The following SCIMP variants were observed in gnomAD, a reference collection of about 807,000 sequenced individuals.
SCIMP encodes SLP adapter and CSK-interacting membrane protein.
A neutral mutation model predicts 22.0 loss-of-function variants in SCIMP; 18 were observed. The ratio of observed to expected loss-of-function variants is 0.82; its 90% CI spans 0.56 to 1.21. SCIMP has a LOEUF of 1.21. SCIMP is among the 50% of genes most tolerant of loss of function. SCIMP has a pLI of 0.00. For synonymous variants in SCIMP, 53 were observed against 62.2 expected, an observed-to-expected ratio of 0.85 and a Z score of 0.70; for missense variants, 155 against 171.2, an observed-to-expected ratio of 0.91 and a Z score of 0.53.
intron 4 of SCIMP, among the ~76,000 whole-genome samples, chr17:5,211,524 C>CA (rs34444793): frequency 0.23 from 30,759 of 132,574 alleles, 4,028 homozygotes; most frequent in East Asian, 0.61. Context: ...ACCCTGTCTC[C>CA]AAAAAAAAAA....
At chr17:5,223,230 G>A in intron 2 of SCIMP, 103 bp downstream of exon 2, 8 of 1,262,698 alleles carry the variant, frequency 6.3e-6, no homozygotes, top group Non-Finnish European at 9.0e-6. Context: ...CCAAAATTCA[G>A]CTCATTCAGG....
chr17:5,216,929 T>G (rs2074569546), intron 3 of SCIMP, among the ~76,000 whole-genome samples: 1 of 152,186 alleles, frequency 6.6e-6, no homozygotes, highest in South Asian at 2.1e-4. Flanking sequence ...AGATAAACTC[T>G]AAGAAAACTT....
chr17:5,215,062 T>G, intron 3 of SCIMP, 64 bp from the exon 4 acceptor site: 1 of 1,012,322 alleles, frequency 9.9e-7, no homozygotes, highest in Non-Finnish European at 1.6e-6. Flanking sequence ...CCAGCCGATT[T>G]AAGAGAAAAC....
At chr17:5,217,353 A>G (rs916113716) in intron 3 of SCIMP, among the ~76,000 whole-genome samples, 4 of 151,190 alleles carry the variant, frequency 2.6e-5, no homozygotes, top group African/African-American at 9.8e-5. Flanking sequence ...ACATTCTGCA[A>G]TCCCAGTTTT....
chr17:5,223,811 A>G (rs1203491441), intron 1 of SCIMP, among the ~76,000 whole-genome samples: 1 of 152,080 alleles, frequency 6.6e-6, no homozygotes, highest in Non-Finnish European at 1.5e-5. Flanking sequence ...TGGCCTCCCA[A>G]AGTACTGGGA....
intron 3 of SCIMP, among the ~76,000 whole-genome samples, chr17:5,217,298 A>G (rs1319072600): frequency 6.6e-6 from 1 of 151,982 alleles, no homozygotes; most frequent in Non-Finnish European, 1.5e-5. Flanking sequence ...TAGGAAAGTC[A>G]CCCGGTTCCA....
At chr17:5,229,539 G>T (rs764360376) in intron 1 of SCIMP, among the ~76,000 whole-genome samples, 1 of 151,322 alleles carries the variant, frequency 6.6e-6, no homozygotes, top group African/African-American at 2.4e-5. Context: ...GACTACAGTC[G>T]CACGCCACCA....
At chr17:5,222,267 A>G (rs1378072971) in intron 2 of SCIMP, among the ~76,000 whole-genome samples, 1 of 150,072 alleles carries the variant, frequency 6.7e-6, no homozygotes, top group East Asian at 2.0e-4. Context: ...TTTTTTTTGT[A>G]TTTTAAGTAG....
At chr17:5,211,092 A>G (rs565571125) in intron 4 of SCIMP, 137 bp from the exon 5 acceptor site, 1 of 1,371,868 alleles carries the variant, frequency 7.3e-7, no homozygotes, top group Non-Finnish European at 9.6e-7. Context: ...TTACAGAGGA[A>G]ATTTAGACAC....
intron 4 of SCIMP, 45 bp downstream of exon 4, chr17:5,214,880 G>A (rs779663302): frequency 1.9e-5 from 14 of 726,858 alleles, no homozygotes; most frequent in Middle Eastern, 3.9e-4. Context: ...TGATAAACTC[G>A]TTATCTTACC....
At chr17:5,227,418 G>A (rs1305425897) in intron 1 of SCIMP, among the ~76,000 whole-genome samples, 1 of 152,074 alleles carries the variant, frequency 6.6e-6, no homozygotes, top group Non-Finnish European at 1.5e-5. Context: ...GTTTCACCAT[G>A]TTGGCCAGGG....
chr17:5,224,141 G>T (rs1471282307), intron 1 of SCIMP, among the ~76,000 whole-genome samples: 1 of 151,832 alleles, frequency 6.6e-6, no homozygotes, highest in Non-Finnish European at 1.5e-5. Context: ...CTGCAGGGTT[G>T]TTTTTTTTCT....
At chr17:5,218,991 A>G (rs2144319089) in intron 3 of SCIMP, among the ~76,000 whole-genome samples, 1 of 152,226 alleles carries the variant, frequency 6.6e-6, no homozygotes, top group African/African-American at 2.4e-5. Flanking sequence ...GCTCCTGGGA[A>G]ATAATCTCTA....
At chr17:5,219,664 G>A (rs1468713389) in intron 3 of SCIMP, among the ~76,000 whole-genome samples, 1 of 152,046 alleles carries the variant, frequency 6.6e-6, no homozygotes, top group African/African-American at 2.4e-5. Context: ...TGTATATCTG[G>A]GAGCCTTGGG....
intron 4 of SCIMP, among the ~76,000 whole-genome samples, chr17:5,212,354 GC>G (rs1027150590): frequency 3.3e-5 from 5 of 151,526 alleles, no homozygotes; most frequent in African/African-American, 1.2e-4. Flanking sequence ...CCTGGCTTGG[GC>G]CGGGCGCGGT....
intron 2 of SCIMP, among the ~76,000 whole-genome samples, chr17:5,222,470 A>G (rs1314357992): frequency 6.6e-6 from 1 of 152,154 alleles, no homozygotes; most frequent in Non-Finnish European, 1.5e-5. Context: ...GATGAACAGG[A>G]AAGTGGAAAC....
At chr17:5,221,460 G>T in intron 2 of SCIMP, 110 bp from the exon 3 acceptor site, 2 of 819,178 alleles carry the variant, frequency 2.4e-6, no homozygotes, top group South Asian at 1.4e-5. Context: ...TGATAGAGCC[G>T]GACTTAGAAC....
intron 1 of SCIMP, among the ~76,000 whole-genome samples, chr17:5,230,849 A>C (rs2074688272): frequency 6.6e-6 from 1 of 152,174 alleles, no homozygotes. Flanking sequence ...CTGAGGTGGG[A>C]GGATGGCTTG....
chr17:5,215,787 T>C (rs1340528281), intron 3 of SCIMP, among the ~76,000 whole-genome samples: 1 of 152,220 alleles, frequency 6.6e-6, no homozygotes, highest in African/African-American at 2.4e-5. Flanking sequence ...ATAACAGCTC[T>C]GAATTGGACA....
Sources: allele counts gnomAD v4.1 joint callset (sites outside exome capture counted in the v4.1 genomes callset), GRCh38; gene constraint gnomAD v4.1.1; transcripts MANE v1.5; gene names NCBI Gene and HGNC (gene_info 2026-07-23, HGNC 2026-07-21).